CUX2: variants seen among roughly 807,000 people sequenced by gnomAD.
CUX2 encodes homeobox protein cut-like 2.
CUX2 carries 40 observed loss-of-function variants against 144.8 expected under a neutral mutation model. The ratio of observed to expected loss-of-function variants is 0.28; its 90% CI spans 0.21 to 0.36. The LOEUF (loss-of-function observed/expected upper bound fraction) is 0.36, where lower values mean the gene tolerates loss of function less well. Among genes scored for constraint, CUX2 ranks in the 10% least tolerant of loss-of-function variants. The probability of loss-of-function intolerance (pLI) is 1.00; values close to 1 mark genes in which losing one functional copy is unlikely to be tolerated. For missense variants in CUX2, 1,615 were observed against 1,994.0 expected (o/e 0.81, Z 3.62); for synonymous variants, 827 against 875.6 (o/e 0.94, Z 0.98).
chr12:111,126,216 C>G (rs984180506), intron 1 of CUX2, among the ~76,000 whole-genome samples: 7 of 151,828 alleles, frequency 4.6e-5, no homozygotes, highest in Admixed American at 4.6e-4. Flanking sequence ...TCAAGCGATT[C>G]TCCTGCCTCA....
chr12:111,306,896 C>T (rs1267259952), intron 10 of CUX2, 25 bp from the exon 11 acceptor site: 1 of 1,561,202 alleles, frequency 6.4e-7, no homozygotes, highest in Non-Finnish European at 8.7e-7. Flanking sequence ...ACCTCTCAGC[C>T]CCTCAAAGAC....
chr12:111,129,023 C>G (rs1413786611), intron 1 of CUX2, among the ~76,000 whole-genome samples: 1 of 152,180 alleles, frequency 6.6e-6, no homozygotes, highest in Non-Finnish European at 1.5e-5. Flanking sequence ...CAAAGATGCC[C>G]ACTAGGCATT....
chr12:111,285,527 T>A (rs1004830007), intron 4 of CUX2, among the ~76,000 whole-genome samples: 4 of 152,220 alleles, frequency 2.6e-5, no homozygotes, highest in African/African-American at 9.6e-5. Context: ...TCTTTAGGAC[T>A]GAGTCCCTGA....
intron 1 of CUX2, among the ~76,000 whole-genome samples, chr12:111,213,836 T>C (rs904467075): frequency 2.6e-5 from 4 of 151,944 alleles, no homozygotes; most frequent in African/African-American, 9.7e-5. Flanking sequence ...GGTCTGGAGA[T>C]GTTTTCTACA....
intron 1 of CUX2, among the ~76,000 whole-genome samples, chr12:111,146,530 A>G (rs1349201857): frequency 6.6e-6 from 1 of 152,184 alleles, no homozygotes; most frequent in African/African-American, 2.4e-5. Context: ...CAGTGGGGAA[A>G]GGGGTTGGGA....
chr12:111,199,061 C>T (rs1566291169), intron 1 of CUX2, among the ~76,000 whole-genome samples: 1 of 151,994 alleles, frequency 6.6e-6, no homozygotes, highest in Admixed American at 6.6e-5. Flanking sequence ...AGGGTGGGTG[C>T]GGAGAGAGAA....
At position 111,347,618 on chromosome 12, in the gene CUX2, T is replaced by TCCCCCC; in HGVS notation, c.3757_3758insCCCCCC (p.Ser1252_His1253insProPro). The TCCCCCC allele has an allele frequency of 2.0e-6, 3 of 1,517,696 alleles. No homozygotes were observed. The highest frequency in any genetic ancestry group is 1.1e-5 in the South Asian group (1 of 88,994). The allele number at this position is 1,517,696 out of a possible 1,614,324, so 94.0% of individuals were successfully genotyped here. On this transcript the variant is annotated inframe_insertion, in exon 22 of 22. Transcript: ENST00000261726. The stretch of plus-strand genomic sequence containing the variant: ...TCCTGGAATCCTACCGCCAGGCCAC[T>TCCCCCC]CCCACCCAGACCCCACCCCGCAGAG...
chr12:111,226,950 C>T (rs1300258391), intron 3 of CUX2, among the ~76,000 whole-genome samples: 1 of 152,212 alleles, frequency 6.6e-6, no homozygotes, highest in Non-Finnish European at 1.5e-5. Context: ...GAGATAAGGC[C>T]GCTGGGCGTG....
chr12:111,104,627 C>T (rs1873477527), intron 1 of CUX2, among the ~76,000 whole-genome samples: 1 of 152,212 alleles, frequency 6.6e-6, no homozygotes, highest in African/African-American at 2.4e-5. Context: ...AGATAATTCA[C>T]ACAACATATT....
At chr12:111,230,813 A>G (rs1325654896) in intron 3 of CUX2, among the ~76,000 whole-genome samples, 1 of 152,172 alleles carries the variant, frequency 6.6e-6, no homozygotes, top group African/African-American at 2.4e-5. Context: ...GCATCTGCTC[A>G]TTTCTGTGGT....
chr12:111,251,057 A>C (rs1164068363), intron 3 of CUX2, among the ~76,000 whole-genome samples: 1 of 152,202 alleles, frequency 6.6e-6, no homozygotes, highest in African/African-American at 2.4e-5. Context: ...CGCTAAAGAA[A>C]GCCTCCTGTC....
chr12:111,205,894 A>T (rs541611038), intron 1 of CUX2, among the ~76,000 whole-genome samples: 2 of 152,208 alleles, frequency 1.3e-5, no homozygotes, highest in Admixed American at 6.5e-5. Context: ...ACCAACAAAC[A>T]TTTCTAGAAT....
At chr12:111,326,219 T>G (rs1471064965) in intron 18 of CUX2, among the ~76,000 whole-genome samples, 55 of 3,338 alleles carry the variant, frequency 0.016, no homozygotes, top group Admixed American at 0.032. Context: ...GGGGGAGGGG[T>G]GGGTTTTGTT....
At position 111,350,347 on chromosome 12, in the gene CUX2, G is replaced by GTA. The variant is rs2136464817; in HGVS notation, c.*2025_*2026dup. 6.6e-6 allele frequency: 1 copy of GTA among 152,516 alleles called. No homozygotes were observed. The highest frequency in any genetic ancestry group is 1.9e-4 in the East Asian group (1 of 5,180). The allele number at this position is 152,516 out of a possible 1,614,324, so 9.4% of individuals were successfully genotyped here. A position where few individuals can be genotyped will look rare whatever the true frequency, so the allele number is the denominator to read the frequency against. Reference sequence around the variant, plus strand: ...GTGACGGGATTTGATTAAGCACTTAGTATAGTCTTTTGAACACGGAAATCC... The same window carrying GTA: ...GTGACGGGATTTGATTAAGCACTTAGTATATAGTCTTTTGAACACGGAAATCC... On this transcript the variant is annotated 3_prime_UTR_variant, in exon 22 of 22. Coordinates refer to ENST00000261726, the MANE Select transcript of CUX2 (RefSeq NM_015267.4).
At chr12:111,168,583 C>T (rs1878307738) in intron 1 of CUX2, among the ~76,000 whole-genome samples, 1 of 152,214 alleles carries the variant, frequency 6.6e-6, no homozygotes, top group Admixed American at 6.5e-5. Flanking sequence ...CTAGCTCTGC[C>T]TGACAACAGA....
chr12:111,045,760 C>T (rs1442463773), intron 1 of CUX2, among the ~76,000 whole-genome samples: 1 of 152,164 alleles, frequency 6.6e-6, no homozygotes, highest in Non-Finnish European at 1.5e-5. Flanking sequence ...TTCGGCAACT[C>T]CCCAGTTTTG....
intron 1 of CUX2, among the ~76,000 whole-genome samples, chr12:111,145,107 C>A (rs1317724655): frequency 6.6e-6 from 1 of 152,178 alleles, no homozygotes; most frequent in Non-Finnish European, 1.5e-5. Context: ...TCTTTCTGAT[C>A]CCTGCAACCC....
At chr12:111,082,204 G>T (rs184143155) in intron 1 of CUX2, among the ~76,000 whole-genome samples, 62 of 152,324 alleles carry the variant, frequency 4.1e-4, no homozygotes, top group South Asian at 2.1e-3. Flanking sequence ...AGGCATCTCT[G>T]TGTTGTATCT....
intron 1 of CUX2, among the ~76,000 whole-genome samples, chr12:111,149,642 CA>C (rs1876912961): frequency 6.6e-6 from 1 of 152,158 alleles, no homozygotes; most frequent in Non-Finnish European, 1.5e-5. Flanking sequence ...GGATATTGGA[CA>C]GTCACTCGTG....
Sources: gnomAD v4.1 joint callset for allele counts (sites outside exome capture counted in the v4.1 genomes callset) on GRCh38, gnomAD v4.1.1 for gene constraint, MANE v1.5 for transcripts, NCBI Gene and HGNC (gene_info 2026-07-23, HGNC 2026-07-21) for gene names.